The following PHF11 variants were observed in gnomAD, a reference collection of about 807,000 sequenced individuals.
PHF11 encodes the protein BRCA1 C-terminus-associated protein.
A neutral mutation model predicts 40.5 loss-of-function variants in PHF11; 38 were observed. That is an observed-to-expected ratio of 0.94 (90% confidence interval 0.72 to 1.23). The LOEUF (loss-of-function observed/expected upper bound fraction) is 1.23. PHF11 is among the 50% of genes most tolerant of loss of function. PHF11 has a pLI of 0.00. For missense variants in PHF11, 369 were observed against 392.4 expected (o/e 0.94, Z 0.50); for synonymous variants, 127 against 138.2 (o/e 0.92, Z 0.57).
intron 1 of PHF11, among the ~76,000 whole-genome samples, chr13:49,496,830 C>CTTTTTTTTTTT (rs34505707): frequency 2.3e-5 from 2 of 88,022 alleles, no homozygotes; most frequent in Non-Finnish European, 4.1e-5. Flanking sequence ...TGGGCTTACC[C>CTTTTTTTTTTT]TTTTTTTTTT....
chr13:49,511,412 C>T (rs1158618657), intron 2 of PHF11, among the ~76,000 whole-genome samples: 3 of 150,264 alleles, frequency 2.0e-5, no homozygotes, highest in Non-Finnish European at 4.4e-5. Flanking sequence ...CTGCACCCTC[C>T]GCCTCACAGG....
At chr13:49,496,496 C>A (rs980947940) in intron 1 of PHF11, 3 of 985,200 alleles carry the variant, frequency 3.0e-6, no homozygotes, top group African/African-American at 1.7e-5. Context: ...AGGCAGGGGG[C>A]GGCCCTGAGG....
chr13:49,523,107 CAA>C (rs1959197954), intron 6 of PHF11, 66 bp from the exon 7 acceptor site: 2 of 1,094,826 alleles, frequency 1.8e-6, no homozygotes, highest in South Asian at 1.3e-5. Context: ...TTATGCACAG[CAA>C]AAGACTGGTT....
intron 1 of PHF11, 26 bp downstream of exon 1, chr13:49,496,121 G>C (rs779125887): frequency 8.6e-7 from 1 of 1,158,238 alleles, no homozygotes; most frequent in Non-Finnish European, 1.1e-6. Context: ...GCGGGCGGGC[G>C]GGCGGGCGGG....
chr13:49,526,508 TCAC>T, intron 9 of PHF11, 50 bp downstream of exon 9: 1 of 944,824 alleles, frequency 1.1e-6, no homozygotes, highest in Non-Finnish European at 1.7e-6. Context: ...GAAATATTTA[TCAC>T]GATATTGAAA....
chr13:49,504,782 G>T (rs1318070342), intron 1 of PHF11, among the ~76,000 whole-genome samples: 1 of 151,768 alleles, frequency 6.6e-6, no homozygotes, highest in Non-Finnish European at 1.5e-5. Flanking sequence ...AGGGGGGAAA[G>T]GTGGGGAAAA....
At chr13:49,512,982 C>T in intron 2 of PHF11, 77 bp from the exon 3 acceptor site, 1 of 749,266 alleles carries the variant, frequency 1.3e-6, no homozygotes. Context: ...TGATTTTCCA[C>T]TTTTGGTATG....
intron 7 of PHF11, 61 bp downstream of exon 7, chr13:49,523,302 C>A: frequency 8.9e-7 from 1 of 1,125,848 alleles, no homozygotes; most frequent in Non-Finnish European, 1.3e-6. Context: ...AATGTCAACC[C>A]ACCTGTTTCA....
At chr13:49,524,240 G>T (rs7332573) in intron 8 of PHF11, 24 bp downstream of exon 8, 157,095 of 1,556,822 alleles carry the variant, frequency 0.1, 12,091 homozygotes, top group African/African-American at 0.33. Flanking sequence ...GCAATATTTC[G>T]AAGTATAGAG....
At chr13:49,513,640 TA>T (rs34451096) in intron 3 of PHF11, among the ~76,000 whole-genome samples, 66,288 of 151,990 alleles carry the variant, frequency 0.44, 15,310 homozygotes, top group Middle Eastern at 0.56. Context: ...CAACATTTAA[TA>T]TTTTAAAATA....
intron 1 of PHF11, among the ~76,000 whole-genome samples, chr13:49,499,340 G>A (rs1594197463): frequency 1.3e-5 from 2 of 152,190 alleles, no homozygotes; most frequent in East Asian, 3.8e-4. Flanking sequence ...GGGTCATTGT[G>A]TACGCATCAT....
In PHF11 at chr13:49,518,079, A is replaced by G; in HGVS notation, c.386A>G (p.Lys129Arg). Residue 129 changes from lysine (K) to arginine (R), a missense_variant, in exon 4 of 10, where the codon AAG (lysine) becomes AGG (arginine). Lys to Arg is a conservative substitution (Grantham distance 26). Transcript: ENST00000378319. ...TVGCDLKNCN[K>R]NYHFFCAKKD... ...GGATGTGATTTAAAAAACTGTAACA[A>G]GAATTACCACTTTTTCTGTGCCAAG... 1 of 1,600,658 alleles carries G rather than the reference A, an allele frequency of 6.2e-7. No homozygotes were observed. Among genetic ancestry groups the G allele is most frequent in the Non-Finnish European group, 8.6e-7 (1 of 1,168,566 alleles).
chr13:49,505,112 T>TA (rs1225136028), intron 1 of PHF11, among the ~76,000 whole-genome samples: 40 of 77,256 alleles, frequency 5.2e-4, no homozygotes, highest in African/African-American at 1.8e-3. Context: ...AAAAAATAAA[T>TA]AAAAAAATAA....
chr13:49,498,161 G>T (rs531182295), intron 1 of PHF11, among the ~76,000 whole-genome samples: 62 of 152,342 alleles, frequency 4.1e-4, no homozygotes, highest in African/African-American at 1.5e-3. Context: ...TGGCCTAGTA[G>T]TAGTAGTAGG....
chr13:49,526,810 G>C (rs1278864291), intron 9 of PHF11, among the ~76,000 whole-genome samples: 1 of 152,054 alleles, frequency 6.6e-6, no homozygotes, highest in Non-Finnish European at 1.5e-5. Context: ...TAAAAAAGTA[G>C]AGACAACAAA....
chr13:49,496,287 C>A, intron 1 of PHF11, 192 bp downstream of exon 1: 1 of 710,826 alleles, frequency 1.4e-6, no homozygotes, highest in Non-Finnish European at 1.9e-6. Context: ...GGGGAGGGGG[C>A]CAGAGGACAG....
chr13:49,514,275 G>A (rs1480268754), intron 3 of PHF11, among the ~76,000 whole-genome samples: 1 of 152,204 alleles, frequency 6.6e-6, no homozygotes, highest in African/African-American at 2.4e-5. Context: ...AGCATCCTGT[G>A]GTAGGTGTGT....
intron 4 of PHF11, among the ~76,000 whole-genome samples, chr13:49,519,217 T>A (rs1408277639): frequency 6.6e-6 from 1 of 152,208 alleles, no homozygotes; most frequent in Non-Finnish European, 1.5e-5. Context: ...ATATGTAAAT[T>A]TCGTACTGCA....
chr13:49,499,403 C>T (rs1958871081), intron 1 of PHF11, among the ~76,000 whole-genome samples: 1 of 152,220 alleles, frequency 6.6e-6, no homozygotes, highest in South Asian at 2.1e-4. Flanking sequence ...TATCCTTAGG[C>T]TCCCCATGGT....
Sources: gnomAD v4.1 joint callset for allele counts (sites outside exome capture counted in the v4.1 genomes callset) on GRCh38, gnomAD v4.1.1 for gene constraint, MANE v1.5 for transcripts, NCBI Gene and HGNC (gene_info 2026-07-23, HGNC 2026-07-21) for gene names.